TP63: variants seen among roughly 807,000 people sequenced by gnomAD.
TP63 encodes tumor protein p63.
A neutral mutation model predicts 82.8 loss-of-function variants in TP63; 17 were observed. The ratio of observed to expected loss-of-function variants is 0.21; its 90% CI spans 0.14 to 0.31. The LOEUF is 0.31. Ranked by LOEUF, TP63 falls within the 10% of genes least tolerant of loss-of-function variation. TP63 has a pLI of 1.00. For missense variants in TP63, 648 were observed against 895.3 expected (o/e 0.72, Z 3.52); for synonymous variants, 330 against 321.7 (o/e 1.03, Z -0.28).
At chr3:189,678,487 CCTT>C (rs1715637660) in intron 1 of TP63, among the ~76,000 whole-genome samples, 1 of 151,964 alleles carries the variant, frequency 6.6e-6, no homozygotes, top group Non-Finnish European at 1.5e-5. Flanking sequence ...TTACTAAAAA[CCTT>C]CTAGTATAAT....
At position 189,810,663 on chromosome 3, in the gene TP63, C is replaced by A. The variant is rs145214906; in HGVS notation, c.579+2137C>A. Among the ~76,000 whole-genome samples the A allele has an allele frequency of 2.7e-3, 407 of 152,106 alleles. 2 individuals carry two copies. Among genetic ancestry groups the A allele is most frequent in the African/African-American group, 9.3e-3 (387 of 41,478 alleles). On this transcript the variant is annotated intron_variant, in intron 4 of 13. Transcript: ENST00000264731. ...ACGAGGTCAGGAGTTCAAGACCAGC[C>A]TGGCCAACATAGTGAAACCCTGTCT...
chr3:189,616,468 A>G, the TP63 span, among the ~76,000 whole-genome samples: 3 of 152,366 alleles, frequency 2.0e-5, 1 homozygote, highest in Admixed American at 2.0e-4. Flanking sequence ...TAATGAGTCC[A>G]ACAGATACAG....
At chr3:189,878,602 T>C (rs1377542550) in intron 10 of TP63, among the ~76,000 whole-genome samples, 1 of 149,368 alleles carries the variant, frequency 6.7e-6, no homozygotes, top group Non-Finnish European at 1.5e-5. Flanking sequence ...TCTTTTTTTT[T>C]TTTTTTAGTA....
chr3:189,737,152 T>C (rs2108794588), intron 1 of TP63, among the ~76,000 whole-genome samples: 1 of 152,194 alleles, frequency 6.6e-6, no homozygotes, highest in Non-Finnish European at 1.5e-5. Context: ...CACCCACACA[T>C]CAAGGTAAGC....
intron 3 of TP63, among the ~76,000 whole-genome samples, chr3:189,798,070 C>T (rs927154447): frequency 1.3e-5 from 2 of 152,024 alleles, no homozygotes; most frequent in East Asian, 1.9e-4. Flanking sequence ...ATGTGTTATG[C>T]TTATCTCTGT....
At chr3:189,684,795 T>G (rs1266590811) in intron 1 of TP63, among the ~76,000 whole-genome samples, 1 of 151,996 alleles carries the variant, frequency 6.6e-6, no homozygotes, top group African/African-American at 2.4e-5. Context: ...CAAGCCCAGC[T>G]AATTTTTTAT....
intron 3 of TP63, among the ~76,000 whole-genome samples, chr3:189,805,265 C>A (rs1726758860): frequency 6.6e-6 from 1 of 152,164 alleles, no homozygotes; most frequent in Non-Finnish European, 1.5e-5. Context: ...AACCCTTTCT[C>A]AAAATTGTCA....
intron 1 of TP63, among the ~76,000 whole-genome samples, chr3:189,732,577 C>T (rs1013884561): frequency 1.3e-5 from 2 of 152,168 alleles, no homozygotes; most frequent in Admixed American, 6.5e-5. Flanking sequence ...GACTACCAGG[C>T]GCTGTATGAC....
At chr3:189,748,508 CA>C (rs58926854) in intron 3 of TP63, among the ~76,000 whole-genome samples, 8,010 of 32,068 alleles carry the variant, frequency 0.25, 258 homozygotes, top group Middle Eastern at 0.27. Context: ...AGGAAAACTA[CA>C]AAAAAAAAAA....
intron 1 of TP63, among the ~76,000 whole-genome samples, chr3:189,653,621 C>T (rs1338252760): frequency 2.0e-5 from 3 of 152,138 alleles, no homozygotes; most frequent in African/African-American, 7.2e-5. Flanking sequence ...AATTTTAGTA[C>T]CTGCTTTTGC....
intron 1 of TP63, among the ~76,000 whole-genome samples, chr3:189,695,311 TC>T (rs112694993): frequency 0.14 from 21,099 of 152,110 alleles, 1,969 homozygotes; most frequent in African/African-American, 0.27. Context: ...AGTTCCTGTG[TC>T]CCTTTGATAT....
rs1440548960 is a variant in TP63, at chr3:189,897,262, A to AAAC, written c.*2761_*2763dup. On this transcript the variant is annotated 3_prime_UTR_variant, in exon 14 of 14. Transcript: ENST00000264731. The stretch of plus-strand genomic sequence containing the variant: ...GCAATAAAATTTAAAAAATAAATAA[A>AAAC]AACTAATTAAGAAATTGTGTGTGTG... 4.1e-5 allele frequency: 8 copies of AAAC among 193,756 alleles called. No homozygotes were observed. Among genetic ancestry groups the AAAC allele is most frequent in the African/African-American group, 1.2e-4 (5 of 43,290 alleles). The allele number at this position is 193,756 out of a possible 1,614,324, so 12.0% of individuals were successfully genotyped here. A position where few individuals can be genotyped will look rare whatever the true frequency, so the allele number is the denominator to read the frequency against.
At chr3:189,598,462 G>T in the TP63 span, among the ~76,000 whole-genome samples, 2 of 152,012 alleles carry the variant, frequency 1.3e-5, no homozygotes, top group African/African-American at 4.8e-5. Flanking sequence ...AATAAAACAT[G>T]AAACCACAGA....
intron 4 of TP63, among the ~76,000 whole-genome samples, chr3:189,862,176 TAAAC>T (rs1222758813): frequency 6.6e-6 from 1 of 152,236 alleles, no homozygotes; most frequent in African/African-American, 2.4e-5. Context: ...TTCTAAAATC[TAAAC>T]AATTCTGGAT....
chr3:189,800,475 T>TAA (rs72295286), intron 3 of TP63, among the ~76,000 whole-genome samples: 189 of 134,872 alleles, frequency 1.4e-3, no homozygotes, highest in African/African-American at 1.7e-3. Context: ...CTTTAATGAG[T>TAA]AAAAAAAAAA....
At chr3:189,697,435 G>A (rs1232949275) in intron 1 of TP63, among the ~76,000 whole-genome samples, 1 of 151,906 alleles carries the variant, frequency 6.6e-6, no homozygotes, top group African/African-American at 2.4e-5. Context: ...AATACCAAAT[G>A]TCTTGATTAC....
the TP63 span, among the ~76,000 whole-genome samples, chr3:189,617,046 T>C: frequency 6.6e-6 from 1 of 152,192 alleles, no homozygotes; most frequent in Non-Finnish European, 1.5e-5. Flanking sequence ...CTGCAAAATA[T>C]ATATTCTGGC....
intron 4 of TP63, among the ~76,000 whole-genome samples, chr3:189,859,375 A>G (rs2108784215): frequency 6.6e-6 from 1 of 152,298 alleles, no homozygotes; most frequent in African/African-American, 2.4e-5. Context: ...TGCTTCAAAA[A>G]ATATCAAATA....
intron 1 of TP63, among the ~76,000 whole-genome samples, chr3:189,635,821 C>T (rs1560074673): frequency 6.6e-6 from 1 of 152,060 alleles, no homozygotes; most frequent in Non-Finnish European, 1.5e-5. Context: ...GACAACTACA[C>T]ACATTAAAAA....
Sources: gnomAD v4.1 joint callset for allele counts (sites outside exome capture counted in the v4.1 genomes callset) on GRCh38, gnomAD v4.1.1 for gene constraint, MANE v1.5 for transcripts, NCBI Gene and HGNC (gene_info 2026-07-23, HGNC 2026-07-21) for gene names.